The following ZC3H15 variants were observed in gnomAD, a reference collection of about 807,000 sequenced individuals.
ZC3H15 encodes zinc finger CCCH domain-containing protein 15.
Under a neutral mutation model 51.2 loss-of-function variants are expected in ZC3H15, and 15 were observed. That is an observed-to-expected ratio of 0.29 (90% CI 0.20 to 0.45). ZC3H15 has a LOEUF of 0.45. ZC3H15 is among the 20% of genes least tolerant of loss of function. ZC3H15 has a pLI of 1.00. For missense variants in ZC3H15, 381 were observed against 494.7 expected (o/e 0.77, Z 2.18); for synonymous variants, 144 against 162.8 (o/e 0.88, Z 0.88).
At chr2:186,494,445 C>G (rs1685250585) in intron 1 of ZC3H15, among the ~76,000 whole-genome samples, 1 of 152,136 alleles carries the variant, frequency 6.6e-6, no homozygotes, top group African/African-American at 2.4e-5. Context: ...CGTATAACCT[C>G]TCAAGATACT....
intron 6 of ZC3H15, among the ~76,000 whole-genome samples, chr2:186,504,540 C>T (rs1027002002): frequency 3.3e-5 from 5 of 152,054 alleles, no homozygotes; most frequent in South Asian, 2.1e-4. Context: ...TTAGATTTTT[C>T]GCCCTGATAT....
chr2:186,488,046 A>G (rs1158832082), intron 1 of ZC3H15, among the ~76,000 whole-genome samples: 1 of 152,196 alleles, frequency 6.6e-6, no homozygotes, highest in Non-Finnish European at 1.5e-5. Flanking sequence ...TAATGAAGGT[A>G]TCTCCAAAGA....
intron 4 of ZC3H15, among the ~76,000 whole-genome samples, chr2:186,501,858 C>T (rs924109162): frequency 2.6e-5 from 4 of 151,862 alleles, no homozygotes; most frequent in Admixed American, 6.6e-5. Context: ...TCTACAGGGT[C>T]GTGCCGCCAC....
At chr2:186,492,371 A>G (rs1471267487) in intron 1 of ZC3H15, among the ~76,000 whole-genome samples, 1 of 152,224 alleles carries the variant, frequency 6.6e-6, no homozygotes, top group Non-Finnish European at 1.5e-5. Context: ...TTATAGAAAC[A>G]AGGGAAGCCA....
chr2:186,508,629 G>C lies in ZC3H15; in HGVS notation c.1177G>C (p.Glu393Gln), dbSNP rs1371026605. The C allele has an allele frequency of 1.9e-6, 3 of 1,614,098 alleles. 1 individual carries two copies. In the South Asian group the frequency reaches 3.3e-5, roughly 18 times the overall value. ...AGAGGACAACGAGAGGGAGGGAACG[G>C]AAAATGGAGCCATTGATGCTGTTCC... ...LEEDNEREGT[E>Q]NGAIDAVPVD... The change falls in exon 10 of 10, where the codon GAA becomes CAA. Residue 393 changes from glutamate to glutamine, a missense_variant. Coordinates refer to ENST00000337859, the MANE Select transcript of ZC3H15 (RefSeq NM_018471.3).
rs1240517504 is a variant in ZC3H15 at position 186,508,749 on chromosome 2, T to G, written c.*16T>G. The G allele has an allele frequency of 6.2e-7, 1 of 1,610,772 alleles. No homozygotes were observed. Among genetic ancestry groups the G allele is most frequent in the Non-Finnish European group, 8.5e-7 (1 of 1,177,820 alleles). On this transcript the variant is annotated 3_prime_UTR_variant, in exon 10 of 10. Transcript: ENST00000337859. ...AGAAGAATGACACCAAACACATCGCTGAAAAAATTAAGTCAGCTCAGCACG... is the reference window on the plus strand; with the variant it reads ...AGAAGAATGACACCAAACACATCGCGGAAAAAATTAAGTCAGCTCAGCACG...
chr2:186,500,737 C>A (rs989848523), intron 3 of ZC3H15: 4 of 453,464 alleles, frequency 8.8e-6, no homozygotes, highest in African/African-American at 8.0e-5. Flanking sequence ...TGCAGTGGCA[C>A]CATCTCAGCT....
chr2:186,497,036 C>A, intron 2 of ZC3H15: 1 of 356,478 alleles, frequency 2.8e-6, no homozygotes, highest in Non-Finnish European at 5.4e-6. Context: ...TATCCATTGG[C>A]AACTCATTTG....
At chr2:186,486,507 A>G (rs1032864872) in intron 1 of ZC3H15, 50 bp downstream of exon 1, 2 of 1,503,782 alleles carry the variant, frequency 1.3e-6, no homozygotes, top group Non-Finnish European at 1.8e-6. Flanking sequence ...CCGGAAAGCC[A>G]CTTCCCCGCT....
rs1320285549 is a variant in ZC3H15 at position 186,504,186 on chromosome 2, T to G, written c.689T>G (p.Ile230Ser). ...DKKKEEKEDEISLEDLIERER... is the reference protein window; with the variant it reads ...DKKKEEKEDESSLEDLIERER... ...AAGAAAGAAGAGAAAGAAGATGAAA[T>G]TTCATTAGAAGATCTAATTGAGAGA... Residue 230 changes from isoleucine to serine, a missense_variant, in exon 6 of 10, where the codon ATT becomes AGT. By Grantham distance (142) the Ile-to-Ser change is moderately radical. This residue lies in a region of ZC3H15 where 215 missense variants were observed against 241.8 expected (regional missense o/e 0.89). Coordinates refer to ENST00000337859, the MANE Select transcript of ZC3H15 (RefSeq NM_018471.3). 1.9e-6 allele frequency: 3 copies of G among 1,600,350 alleles called. No individual in the cohort carries two copies. The highest frequency in any genetic ancestry group is 2.6e-6 in the Non-Finnish European group (3 of 1,172,998).
intron 4 of ZC3H15, among the ~76,000 whole-genome samples, chr2:186,502,062 C>T (rs1056484923): frequency 4.0e-5 from 6 of 151,498 alleles, no homozygotes; most frequent in East Asian, 2.0e-4. Context: ...TTAAGAAAAC[C>T]GTGAGGCCAG....
In ZC3H15 at chr2:186,500,221, G is replaced by T; in HGVS notation, c.217G>T (p.Asp73Tyr). ...AGCTGAAAAGAAATTGAAGAAGGAT[G>T]ACAAGAAGAAAGAATTGCAGGAGCT... ...SEAEKKLKKD[D>Y]KKKELQELNE... is the part of the protein sequence containing the mutation. Residue 73 changes from aspartate (D) to tyrosine (Y), a missense_variant, in exon 3 of 10, where the codon GAC becomes TAC. Asp to Tyr is a radical substitution (Grantham distance 160). Transcript: ENST00000337859. 1 of 1,613,668 alleles carries T rather than the reference G, an allele frequency of 6.2e-7. No individual in the cohort carries two copies. Among genetic ancestry groups the T allele is most frequent in the East Asian group, 2.2e-5 (1 of 44,804 alleles).
chr2:186,497,000 C>A (rs191349676), intron 2 of ZC3H15: 5 of 329,682 alleles, frequency 1.5e-5, no homozygotes, highest in South Asian at 9.6e-5. Context: ...GGCATTTATT[C>A]TTTCATACGA....
chr2:186,506,884 A>G, intron 9 of ZC3H15, 48 bp downstream of exon 9: 1 of 1,581,158 alleles, frequency 6.3e-7, no homozygotes, highest in Non-Finnish European at 8.6e-7. Flanking sequence ...GAAGTTATCT[A>G]AAGGGGGTTA....
intron 8 of ZC3H15, among the ~76,000 whole-genome samples, chr2:186,506,361 A>C (rs924607268): frequency 1.3e-5 from 2 of 152,226 alleles, no homozygotes; most frequent in Non-Finnish European, 2.9e-5. Flanking sequence ...ATTGTACTCT[A>C]TATATAAAAA....
chr2:186,500,434 C>A, intron 3 of ZC3H15, 141 bp downstream of exon 3: 1 of 752,044 alleles, frequency 1.3e-6, no homozygotes. Context: ...TTACCTATGT[C>A]AGTGGGTTGC....
Position 186,509,069 on chromosome 2 carries a change from CTT to C in ZC3H15, c.*337_*338del. ...ATGTGCTATTACCAGAAACAACAAA[CTT>C]ATATTTAAAATACCCTTCATTTGAC... On this transcript the variant is annotated 3_prime_UTR_variant, in exon 10 of 10. Transcript: ENST00000337859. 4.2e-6 allele frequency: 2 copies of C among 474,292 alleles called. No homozygotes were observed. Among genetic ancestry groups the C allele is most frequent in the Non-Finnish European group, 8.4e-6 (2 of 239,214 alleles). 29.4% of individuals were successfully genotyped at this position (474,292 alleles called of 1,614,324 possible).
chr2:186,487,900 ATTC>A (rs1371868076), intron 1 of ZC3H15, among the ~76,000 whole-genome samples: 3 of 152,200 alleles, frequency 2.0e-5, no homozygotes, highest in Non-Finnish European at 4.4e-5. Context: ...TAGGACTAGT[ATTC>A]TTATTTTAAG....
chr2:186,503,487 C>G (rs1457765809), intron 5 of ZC3H15, among the ~76,000 whole-genome samples: 1 of 152,204 alleles, frequency 6.6e-6, no homozygotes, highest in African/African-American at 2.4e-5. Flanking sequence ...AGAGATTCTC[C>G]TGCGTCAGCC....
Sources: gnomAD v4.1 joint callset for allele counts (sites outside exome capture counted in the v4.1 genomes callset) on GRCh38, gnomAD v4.1.1 for gene constraint, gnomAD v4.1.1 regional missense constraint, MANE v1.5 for transcripts, NCBI Gene and HGNC (gene_info 2026-07-23, HGNC 2026-07-21) for gene names.